Variants in C7orf57 observed in about 807,000 individuals in gnomAD.
C7orf57 encodes the protein uncharacterized protein C7orf57.
A neutral mutation model predicts 39.0 loss-of-function variants in C7orf57; 33 were observed. The observed-to-expected ratio is 0.85, with a 90% CI of 0.64 to 1.13. The LOEUF is 1.13. C7orf57 is among the 50% of genes most tolerant of loss of function. The pLI, the probability that C7orf57 is intolerant of heterozygous loss-of-function variation, is 0.00. For synonymous variants in C7orf57, 124 were observed against 137.1 expected (o/e 0.90, Z 0.67); for missense variants, 346 against 362.3 (o/e 0.95, Z 0.37).
Position 48,043,536 on chromosome 7 carries a change from C to T in C7orf57, c.297C>T (p.Ser99=), listed in dbSNP as rs368327136. 141 of 1,613,908 alleles carry T rather than the reference C, an allele frequency of 8.7e-5. No homozygotes were observed. In the African/African-American group the frequency reaches 1.7e-3, roughly 20 times the overall value. The change falls in exon 4 of 9, where the codon TCC becomes TCT. Residue 99 remains serine, a synonymous_variant. Transcript: ENST00000348904. ...GGAAAGGCTCTCCAGTGGCCTACTC[C>T]CTGCCAGACTGGTATATCCACCACA... ...GTRKGSPVAY[S]LPDWYIHHSK... is the part of the protein sequence containing the mutation.
chr7:48,046,559 C>T lies in C7orf57; in HGVS notation c.450C>T (p.Phe150=), dbSNP rs868833355. 3.5e-5 allele frequency: 57 copies of T among 1,613,502 alleles called. No individual in the cohort carries two copies. The highest frequency in any genetic ancestry group is 3.3e-4 in the Middle Eastern group (2 of 6,084). Reference sequence around the variant, plus strand: ...CATCCAGAAGAGGGCCCTTCGACTTCGACATGAAAACAGTTTGGCAAAGAG... The same window carrying T: ...CATCCAGAAGAGGGCCCTTCGACTTTGACATGAAAACAGTTTGGCAAAGAG... ...SYASRRGPFD[F]DMKTVWQREA... The change falls in exon 5 of 9, where the codon TTC becomes TTT. Residue 150 remains phenylalanine (F), a synonymous_variant. Transcript: ENST00000348904.
At chr7:48,051,769 T>TC (rs1491449112) in intron 6 of C7orf57, among the ~76,000 whole-genome samples, 5 of 82,694 alleles carry the variant, frequency 6.0e-5, no homozygotes, top group Admixed American at 4.8e-4. Flanking sequence ...TTTCTTTCTT[T>TC]CTTTCTTTCT....
rs943740377 is a variant in C7orf57 at position 48,035,590 on chromosome 7, G to A, written c.-142G>A. 47 of 695,072 alleles carry A rather than the reference G, an allele frequency of 6.8e-5. No individual in the cohort carries two copies. The Middle Eastern group carries it at 2.2e-3, about 32-fold the overall frequency. The allele number at this position is 695,072 out of a possible 1,614,324, so 43.1% of individuals were successfully genotyped here. ...CCAGCCGTGTAAAAACTCCAACGCCGGGCGCCGCGGGCAGCACCCACGGAG... is the reference window on the plus strand; with the variant it reads ...CCAGCCGTGTAAAAACTCCAACGCCAGGCGCCGCGGGCAGCACCCACGGAG... On this transcript the variant is annotated 5_prime_UTR_variant, in exon 1 of 9. Transcript: ENST00000348904. The surrounding 1 kb of genome is among the most constrained non-coding windows in gnomAD (Gnocchi z 4.0).
chr7:48,052,883 C>T lies in C7orf57; in HGVS notation c.789C>T (p.Leu263=), dbSNP rs768425647. 1 of 1,613,910 alleles carries T rather than the reference C, an allele frequency of 6.2e-7. No homozygotes were observed. The highest frequency in any genetic ancestry group is 2.2e-5 in the East Asian group (1 of 44,864). ...DLEGPQDAAR[L]QDAEASEGPE... is the part of the protein sequence containing the mutation. ...AAGGTCCCCAGGATGCAGCCAGGCT[C>T]CAGGATGCAGAGGCTTCTGAAGGTC... The change falls in exon 7 of 9, where the codon CTC becomes CTT. Residue 263 remains leucine, a synonymous_variant. Transcript: ENST00000348904.
intron 4 of C7orf57, among the ~76,000 whole-genome samples, chr7:48,045,572 C>T (rs1216299993): frequency 2.6e-5 from 4 of 152,216 alleles, no homozygotes; most frequent in African/African-American, 9.6e-5. Flanking sequence ...CCCCACGCCT[C>T]GACCTTGCCC....
rs757359437 is a variant in C7orf57 at position 48,049,940 on chromosome 7, A to G, written c.568A>G (p.Lys190Glu). The G allele has an allele frequency of 6.2e-6, 10 of 1,613,348 alleles. No homozygotes were observed. The African/African-American group carries it at 8.0e-5, about 13-fold the overall frequency. ...CAAAGCAGGCACCCCACTTGGCCCT[A>G]AGAATCCTGCAGGAAGTAGACTCTC... ...LSKAGTPLGP[K>E]NPAGSRLSFP... The change falls in exon 6 of 9, where the codon AAG becomes GAG. Residue 190 changes from lysine to glutamate, a missense_variant. By Grantham distance (56) the Lys-to-Glu change is moderately conservative. Transcript: ENST00000348904.
chr7:48,058,513 G>T (rs1446266634), intron 8 of C7orf57, among the ~76,000 whole-genome samples: 1 of 152,112 alleles, frequency 6.6e-6, no homozygotes, highest in South Asian at 2.1e-4. Flanking sequence ...GTTGTCCTTT[G>T]TGGTCCTTTG....
chr7:48,035,571 G>C lies in C7orf57; in HGVS notation c.-161G>C, dbSNP rs1439702168. 2 of 697,708 alleles carry C rather than the reference G, an allele frequency of 2.9e-6. No homozygotes were observed. Among genetic ancestry groups the C allele is most frequent in the East Asian group, 2.7e-5 (1 of 36,986 alleles). 43.2% of individuals were successfully genotyped at this position (697,708 alleles called of 1,614,324 possible). On this transcript the variant is annotated 5_prime_UTR_variant, in exon 1 of 9. Transcript: ENST00000348904. The surrounding 1 kb of genome is among the most constrained non-coding windows in gnomAD (Gnocchi z 4.0). ...TTTGGTTGGCTGCAGCCAGCCAGCCGTGTAAAAACTCCAACGCCGGGCGCC... is the reference window on the plus strand; with the variant it reads ...TTTGGTTGGCTGCAGCCAGCCAGCCCTGTAAAAACTCCAACGCCGGGCGCC...
intron 8 of C7orf57, among the ~76,000 whole-genome samples, chr7:48,055,372 G>T (rs1791088180): frequency 1.3e-5 from 2 of 152,068 alleles, no homozygotes; most frequent in South Asian, 4.1e-4. Flanking sequence ...GGGGTGCAAT[G>T]CGATGTTTTG....
rs113651153 is a variant in C7orf57 at position 48,048,907 on chromosome 7, G to T, written c.508-973G>T. Among the ~76,000 whole-genome samples, 24 of 152,152 alleles carry T rather than the reference G, an allele frequency of 1.6e-4. 1 individual carries two copies. Among genetic ancestry groups the T allele is most frequent in the African/African-American group, 5.8e-4 (24 of 41,500 alleles). On this transcript the variant is annotated intron_variant, in intron 5 of 8. Coordinates refer to ENST00000348904, the MANE Select transcript of C7orf57 (RefSeq NM_001100159.3). The stretch of plus-strand genomic sequence containing the variant: ...TCAGCCTAATGGCTAAGGTCAACAC[G>T]ACCATGAACCATAGGTAACATCTCC...
chr7:48,051,876 T>TCCTTCC (rs1790954343), intron 6 of C7orf57, among the ~76,000 whole-genome samples: 1 of 69,884 alleles, frequency 1.4e-5, no homozygotes, highest in Non-Finnish European at 3.6e-5. Context: ...TCTTTCTCTT[T>TCCTTCC]CTCTTTCTTT....
chr7:48,052,595 TA>T (rs1419579634), intron 6 of C7orf57, 104 bp from the exon 7 acceptor site: 2 of 907,818 alleles, frequency 2.2e-6, no homozygotes, highest in African/African-American at 3.3e-5. Context: ...TTGTTAGGTT[TA>T]AAGGGACAGT....
intron 3 of C7orf57, 112 bp downstream of exon 3, chr7:48,041,631 T>G (rs1790555948): frequency 1.1e-6 from 1 of 908,560 alleles, no homozygotes; most frequent in African/African-American, 1.7e-5. Context: ...TATGTTTAGC[T>G]TAGGGCCTTG....
rs369319041 is a variant in C7orf57 at position 48,052,747 on chromosome 7, G to A, written c.653G>A (p.Ser218Asn). Residue 218 changes from serine to asparagine, a missense_variant, in exon 7 of 9, where the codon AGC (serine) becomes AAC (asparagine). Transcript: ENST00000348904. ...SSPTNFSKLI[S>N]NGYKDEWLQQ... ...CCTACCAATTTTTCCAAACTCATTA[G>A]CAATGGTTATAAGGATGAGTGGTTG... The A allele has an allele frequency of 6.2e-6, 10 of 1,614,018 alleles. No individual in the cohort carries two copies. The highest frequency in any genetic ancestry group is 8.5e-6 in the Non-Finnish European group (10 of 1,179,902).
At chr7:48,044,321 T>C (rs1790649316) in intron 4 of C7orf57, among the ~76,000 whole-genome samples, 1 of 152,090 alleles carries the variant, frequency 6.6e-6, no homozygotes, top group African/African-American at 2.4e-5. Flanking sequence ...CGAGATTTAA[T>C]AGAGTGAAAA....
At chr7:48,052,996 A>T (rs1187304771) in intron 7 of C7orf57, 73 bp downstream of exon 7, 6 of 1,214,274 alleles carry the variant, frequency 4.9e-6, no homozygotes, top group Non-Finnish European at 7.2e-6. Context: ...CGTTCTTATC[A>T]CATGATGCGT....
intron 8 of C7orf57, among the ~76,000 whole-genome samples, chr7:48,054,977 C>T (rs1313203677): frequency 6.6e-6 from 1 of 152,088 alleles, no homozygotes; most frequent in Non-Finnish European, 1.5e-5. Flanking sequence ...CCCGGGTTCA[C>T]GCCATTCTCC....
intron 4 of C7orf57, among the ~76,000 whole-genome samples, chr7:48,044,405 C>T (rs894415125): frequency 6.6e-6 from 1 of 152,172 alleles, no homozygotes; most frequent in African/African-American, 2.4e-5. Flanking sequence ...GTTTATATGC[C>T]GATCATTGTC....
At chr7:48,042,698 AG>A (rs1790586525) in intron 3 of C7orf57, among the ~76,000 whole-genome samples, 1 of 151,956 alleles carries the variant, frequency 6.6e-6, no homozygotes, top group Non-Finnish European at 1.5e-5. Context: ...AAAAAAAAAA[AG>A]AAAAGTTAAA....
Sources: gnomAD v4.1 joint callset for allele counts (sites outside exome capture counted in the v4.1 genomes callset) on GRCh38, gnomAD v4.1.1 for gene constraint, Gnocchi (gnomAD v3.1) non-coding constraint, MANE v1.5 for transcripts, NCBI Gene and HGNC (gene_info 2026-07-23, HGNC 2026-07-21) for gene names.